PSMA7: variants seen among roughly 807,000 people sequenced by gnomAD.
The protein encoded by PSMA7 is proteasome 20S subunit alpha 7.
Under a neutral mutation model 31.3 loss-of-function variants are expected in PSMA7, and 5 were observed. That is an observed-to-expected ratio of 0.16 (90% CI 0.08 to 0.34). The LOEUF is 0.34. Ranked by LOEUF, PSMA7 falls within the 10% of genes least tolerant of loss-of-function variation. The pLI, the probability that PSMA7 is intolerant of heterozygous loss-of-function variation, is 1.00. For missense variants in PSMA7, 217 were observed against 327.5 expected (o/e 0.66, Z 2.60); for synonymous variants, 155 against 121.9 (o/e 1.27, Z -1.79).
At chr20:62,140,372 T>C (rs2056920272) in intron 2 of PSMA7, among the ~76,000 whole-genome samples, 1 of 152,216 alleles carries the variant, frequency 6.6e-6, no homozygotes, top group Non-Finnish European at 1.5e-5. Flanking sequence ...CTAGATTGCA[T>C]CTGCTGAGAG....
At chr20:62,142,277 T>G (rs1471530052) in intron 1 of PSMA7, among the ~76,000 whole-genome samples, 4 of 151,936 alleles carry the variant, frequency 2.6e-5, no homozygotes, top group Non-Finnish European at 5.9e-5. Flanking sequence ...AGTATTGGGG[T>G]GGGTACAGGG....
chr20:62,139,018 AC>A (rs2056911486), intron 4 of PSMA7, 56 bp downstream of exon 4: 2 of 1,592,450 alleles, frequency 1.3e-6, no homozygotes, highest in Admixed American at 3.5e-5. Flanking sequence ...AGGACCTCCC[AC>A]CCCTCAAAGC....
At chr20:62,141,414 C>G (rs1283524056) in intron 1 of PSMA7, among the ~76,000 whole-genome samples, 1 of 152,240 alleles carries the variant, frequency 6.6e-6, no homozygotes, top group Non-Finnish European at 1.5e-5. Context: ...CTCTACTTGT[C>G]TGTCACTGTG....
intron 6 of PSMA7, 142 bp downstream of exon 6, chr20:62,137,222 T>C: frequency 1.0e-6 from 1 of 959,504 alleles, no homozygotes; most frequent in Non-Finnish European, 1.6e-6. Context: ...CTCTTTGACG[T>C]ATGGGGAGCC....
chr20:62,142,915 A>C (rs1046010688), intron 1 of PSMA7, among the ~76,000 whole-genome samples: 8 of 150,262 alleles, frequency 5.3e-5, no homozygotes, highest in African/African-American at 1.9e-4. Flanking sequence ...AGGGGTGCTC[A>C]AGATGGCGTC....
chr20:62,141,350 G>A (rs1035575948), intron 1 of PSMA7, among the ~76,000 whole-genome samples: 2 of 152,280 alleles, frequency 1.3e-5, no homozygotes, highest in African/African-American at 2.4e-5. Flanking sequence ...TGGGGGGTAC[G>A]TACTCCGGGT....
chr20:62,139,803 C>T lies in PSMA7; in HGVS notation c.326G>A (p.Arg109His). The change falls in exon 3 of 7, where the codon CGC (arginine) becomes CAC (histidine). Residue 109 changes from arginine to histidine, a missense_variant. By Grantham distance (29) the Arg-to-His change is conservative. Coordinates refer to ENST00000370873, the MANE Select transcript of PSMA7 (RefSeq NM_002792.4). Reference sequence around the variant, plus strand: ...CACCTGCTTCAGACTGGCGATGTAGCGGGTGATGTACTCCACAGTGACCGG... The same window carrying T: ...CACCTGCTTCAGACTGGCGATGTAGTGGGTGATGTACTCCACAGTGACCGG... ...EDPVTVEYIT[R>H]YIASLKQRYT... 4 of 1,614,086 alleles carry T rather than the reference C, an allele frequency of 2.5e-6. No homozygotes were observed. Among genetic ancestry groups the T allele is most frequent in the Non-Finnish European group, 3.4e-6 (4 of 1,180,044 alleles).
At chr20:62,140,347 T>C (rs1600968151) in intron 2 of PSMA7, among the ~76,000 whole-genome samples, 3 of 152,214 alleles carry the variant, frequency 2.0e-5, no homozygotes, top group Admixed American at 6.5e-5. Context: ...TTTCATTACA[T>C]GAATTGAGAT....
intron 1 of PSMA7, chr20:62,142,644 T>G (rs1189726): frequency 6.6e-6 from 1 of 152,284 alleles, no homozygotes; most frequent in South Asian, 2.1e-4. Flanking sequence ...TGCGGAGACC[T>G]GGGAGGCGCC....
Position 62,143,071 on chromosome 20 carries a change from A to C in PSMA7, c.96+137T>G, listed in dbSNP as rs2056948545. On this transcript the variant is annotated intron_variant, in intron 1 of 6. Transcript: ENST00000370873. ...GGCAGCGGGGCCCGCGCTCAGCTAC[A>C]GCCCTGACCGCCCGCGCCGCTGCCC... 1.3e-5 allele frequency: 4 copies of C among 310,274 alleles called. No homozygotes were observed. In the South Asian group the frequency reaches 4.9e-4, roughly 38 times the overall value. 19.2% of individuals were successfully genotyped at this position (310,274 alleles called of 1,614,324 possible). A position where few individuals can be genotyped will look rare whatever the true frequency, so the allele number is the denominator to read the frequency against.
chr20:62,139,030 CT>C, intron 4 of PSMA7, 44 bp downstream of exon 4: 1 of 1,602,494 alleles, frequency 6.2e-7, no homozygotes, highest in Non-Finnish European at 8.5e-7. Flanking sequence ...CCCTCAAAGC[CT>C]TTTTCTGGCA....
intron 1 of PSMA7, chr20:62,142,702 G>C (rs941487733): frequency 1.3e-5 from 2 of 152,366 alleles, no homozygotes; most frequent in Admixed American, 1.3e-4. Context: ...AGCCCACCTG[G>C]GCCTAGAGAA....
chr20:62,137,095 G>A (rs915723906), intron 6 of PSMA7, 146 bp from the exon 7 acceptor site: 4 of 1,162,532 alleles, frequency 3.4e-6, no homozygotes, highest in Admixed American at 4.7e-5. Flanking sequence ...GAGGATGCTG[G>A]CCTGACCTAG....
In PSMA7 at chr20:62,136,773, T is replaced by A; in HGVS notation, c.*84A>T. 6.7e-7 allele frequency: 1 copy of A among 1,503,490 alleles called. No individual in the cohort carries two copies. 93.1% of individuals were successfully genotyped at this position (1,503,490 alleles called of 1,614,324 possible). On this transcript the variant is annotated 3_prime_UTR_variant, in exon 7 of 7. Coordinates refer to ENST00000370873, the MANE Select transcript of PSMA7 (RefSeq NM_002792.4). ...TTTATTGTAGGACACTCAGTGTGAA[T>A]AAATGGAATGGAAAGGCCTACACAT...
At chr20:62,140,683 T>C in intron 2 of PSMA7, 135 bp downstream of exon 2, 1 of 1,189,896 alleles carries the variant, frequency 8.4e-7, no homozygotes, top group South Asian at 1.8e-5. Context: ...AAAGTCCAAA[T>C]CCAATTCTTT....
Position 62,136,799 on chromosome 20 carries a change from C to A in PSMA7, c.*58G>T. 1 of 1,555,840 alleles carries A rather than the reference C, an allele frequency of 6.4e-7. No individual in the cohort carries two copies. The highest frequency in any genetic ancestry group is 1.4e-5 in the African/African-American group (1 of 72,236). ...AAATGGAATGGAAAGGCCTACACAT[C>A]GAGACTCATCCATGATTGATATGAA... On this transcript the variant is annotated 3_prime_UTR_variant, in exon 7 of 7. Coordinates refer to ENST00000370873, the MANE Select transcript of PSMA7 (RefSeq NM_002792.4).
intron 1 of PSMA7, among the ~76,000 whole-genome samples, chr20:62,142,988 G>A (rs1489968406): frequency 2.0e-5 from 3 of 150,140 alleles, no homozygotes; most frequent in East Asian, 1.9e-4. Context: ...GCTGAGTGGG[G>A]AGAACGAGCG....
chr20:62,137,959 G>A (rs2056904929), intron 5 of PSMA7, among the ~76,000 whole-genome samples: 1 of 152,066 alleles, frequency 6.6e-6, no homozygotes, highest in Non-Finnish European at 1.5e-5. Context: ...TGCCCCGGCT[G>A]GATAAAGACA....
At chr20:62,141,924 G>C (rs1268020704) in intron 1 of PSMA7, among the ~76,000 whole-genome samples, 1 of 152,256 alleles carries the variant, frequency 6.6e-6, no homozygotes, top group East Asian at 1.9e-4. Flanking sequence ...TCCTGGTTTA[G>C]AGCAGGGCTT....
Sources: allele counts gnomAD v4.1 joint callset (sites outside exome capture counted in the v4.1 genomes callset), GRCh38; gene constraint gnomAD v4.1.1; transcripts MANE v1.5; gene names NCBI Gene and HGNC (gene_info 2026-07-23, HGNC 2026-07-21).